The following CDH12 variants were observed in gnomAD, a reference collection of about 807,000 sequenced individuals.
CDH12 encodes cadherin 12, also known as cadherin-12.
A neutral mutation model predicts 74.1 loss-of-function variants in CDH12; 41 were observed. That is an observed-to-expected ratio of 0.55 (90% CI 0.43 to 0.72). The LOEUF (loss-of-function observed/expected upper bound fraction) is 0.72. CDH12 is among the 30% of genes least tolerant of loss of function. The pLI is 0.00. For missense variants in CDH12, 945 were observed against 977.2 expected (o/e 0.97, Z 0.44); for synonymous variants, 399 against 355.0 (o/e 1.12, Z -1.39).
intron 1 of CDH12, among the ~76,000 whole-genome samples, chr5:22,527,172 G>A (rs1737322780): frequency 6.6e-6 from 1 of 152,040 alleles, no homozygotes; most frequent in Non-Finnish European, 1.5e-5. Flanking sequence ...GGTCCCTTTG[G>A]GAAAGGGTAA....
chr5:22,162,305 A>AT (rs1748398374), intron 4 of CDH12, among the ~76,000 whole-genome samples: 1 of 151,934 alleles, frequency 6.6e-6, no homozygotes, highest in African/African-American at 2.4e-5. Context: ...CTGACTCTTC[A>AT]TTTCTGCCTG....
At chr5:21,882,234 A>G (rs1752389483) in intron 6 of CDH12, among the ~76,000 whole-genome samples, 1 of 152,172 alleles carries the variant, frequency 6.6e-6, no homozygotes, top group Admixed American at 6.5e-5. Context: ...ATTTTATCTG[A>G]ATTTATTCTC....
intron 1 of CDH12, among the ~76,000 whole-genome samples, chr5:22,628,811 T>C (rs1378036728): frequency 6.6e-6 from 1 of 151,996 alleles, no homozygotes; most frequent in Admixed American, 6.6e-5. Context: ...ATCCAGAAGT[T>C]GATGTTTTGA....
intron 2 of CDH12, among the ~76,000 whole-genome samples, chr5:22,478,683 T>A (rs888200073): frequency 2.0e-5 from 3 of 151,902 alleles, no homozygotes; most frequent in Non-Finnish European, 4.4e-5. Context: ...CTAGATAGGT[T>A]GAATTGATGA....
intron 1 of CDH12, among the ~76,000 whole-genome samples, chr5:22,618,251 C>A (rs192936823): frequency 6.6e-6 from 1 of 152,072 alleles, no homozygotes; most frequent in Admixed American, 6.6e-5. Flanking sequence ...TTTACTTTTT[C>A]TCTGCTATGA....
chr5:22,266,105 C>G (rs912559890), intron 3 of CDH12, among the ~76,000 whole-genome samples: 1 of 150,884 alleles, frequency 6.6e-6, no homozygotes, highest in African/African-American at 2.4e-5. Flanking sequence ...AGCAGAGTTT[C>G]GCTCTTGTCG....
At chr5:22,187,346 A>G (rs1284279623) in intron 4 of CDH12, among the ~76,000 whole-genome samples, 1 of 152,226 alleles carries the variant, frequency 6.6e-6, no homozygotes, top group Non-Finnish European at 1.5e-5. Context: ...AAAGGCTGCA[A>G]CAGGAAAGCA....
At chr5:22,803,993 G>A (rs1309040768) in intron 1 of CDH12, among the ~76,000 whole-genome samples, 2 of 151,880 alleles carry the variant, frequency 1.3e-5, no homozygotes, top group African/African-American at 2.4e-5. Context: ...AAAAAATCAA[G>A]AGCTACTGTT....
chr5:21,888,754 C>T (rs558065061), intron 6 of CDH12, among the ~76,000 whole-genome samples: 1 of 151,956 alleles, frequency 6.6e-6, no homozygotes, highest in African/African-American at 2.4e-5. Context: ...TTGTAACCTG[C>T]TTTTTAAAAT....
chr5:21,913,914 G>A (rs1272810752), intron 6 of CDH12, among the ~76,000 whole-genome samples: 1 of 152,002 alleles, frequency 6.6e-6, no homozygotes, highest in East Asian at 1.9e-4. Flanking sequence ...AAACTCCTGG[G>A]CCCAAGTGAC....
chr5:22,192,947 G>A (rs1313761780), intron 4 of CDH12, among the ~76,000 whole-genome samples: 1 of 152,140 alleles, frequency 6.6e-6, no homozygotes, highest in Admixed American at 6.5e-5. Flanking sequence ...TAAAAGAGGT[G>A]CAGTAGGTAT....
At chr5:21,904,506 T>C (rs1753546620) in intron 6 of CDH12, among the ~76,000 whole-genome samples, 1 of 152,096 alleles carries the variant, frequency 6.6e-6, no homozygotes, top group Non-Finnish European at 1.5e-5. Flanking sequence ...TAGCTCATGA[T>C]GTCTGTAATC....
At chr5:22,401,049 C>T (rs1490707532) in intron 3 of CDH12, among the ~76,000 whole-genome samples, 1 of 152,096 alleles carries the variant, frequency 6.6e-6, no homozygotes, top group Non-Finnish European at 1.5e-5. Flanking sequence ...TTTTGTAAAG[C>T]CATTATTATA....
chr5:21,854,822 T>C, intron 6 of CDH12, 32 bp from the exon 7 acceptor site: 1 of 1,591,832 alleles, frequency 6.3e-7, no homozygotes, highest in East Asian at 2.2e-5. Flanking sequence ...CTCTAGCATT[T>C]TTGTTTTACT....
intron 1 of CDH12, among the ~76,000 whole-genome samples, chr5:22,803,233 G>T (rs981261190): frequency 2.0e-5 from 3 of 152,140 alleles, no homozygotes; most frequent in African/African-American, 7.2e-5. Flanking sequence ...AAAAATAGAG[G>T]TTATAATTTA....
chr5:22,705,124 T>TACACACACAC (rs1418617930), intron 1 of CDH12, among the ~76,000 whole-genome samples: 1 of 95,752 alleles, frequency 1.0e-5, no homozygotes. Flanking sequence ...GTCATATATA[T>TACACACACAC]ATATATACAC....
chr5:22,433,970 T>C (rs931770511), intron 2 of CDH12, among the ~76,000 whole-genome samples: 2 of 152,198 alleles, frequency 1.3e-5, no homozygotes, highest in South Asian at 4.1e-4. Context: ...TATGCTTCTA[T>C]ACGTTCTGTA....
intron 2 of CDH12, among the ~76,000 whole-genome samples, chr5:22,434,780 A>G (rs1413593325): frequency 6.6e-6 from 1 of 152,020 alleles, no homozygotes; most frequent in East Asian, 1.9e-4. Context: ...TTTTTTCTTA[A>G]ATTTTCTCAG....
intron 4 of CDH12, among the ~76,000 whole-genome samples, chr5:22,085,796 CATT>C (rs1455461809): frequency 2.6e-5 from 4 of 152,152 alleles, no homozygotes; most frequent in Non-Finnish European, 2.9e-5. Flanking sequence ...ACCTTGAAAA[CATT>C]ATTTTATTTG....
Sources: gnomAD v4.1 joint callset for allele counts (sites outside exome capture counted in the v4.1 genomes callset) on GRCh38, gnomAD v4.1.1 for gene constraint, MANE v1.5 for transcripts, NCBI Gene and HGNC (gene_info 2026-07-23, HGNC 2026-07-21) for gene names.